Variants in DYNC1I1 observed in about 807,000 individuals in gnomAD.
DYNC1I1 encodes cytoplasmic dynein 1 intermediate chain 1.
In DYNC1I1, 43 loss-of-function variants were observed where a neutral mutation model predicts 86.6. The observed-to-expected ratio is 0.50, with a 90% CI of 0.39 to 0.64. The LOEUF (loss-of-function observed/expected upper bound fraction) is 0.64, where lower values mean the gene tolerates loss of function less well. Ranked by LOEUF, DYNC1I1 falls within the 30% of genes least tolerant of loss-of-function variation. DYNC1I1 has a pLI of 0.00. For missense variants in DYNC1I1, 604 were observed against 788.8 expected, an observed-to-expected ratio of 0.77 and a Z score of 2.81; for synonymous variants, 262 against 283.7, an observed-to-expected ratio of 0.92 and a Z score of 0.77.
At chr7:95,895,499 C>T (rs1376280056) in intron 6 of DYNC1I1, among the ~76,000 whole-genome samples, 1 of 152,186 alleles carries the variant, frequency 6.6e-6, no homozygotes. Flanking sequence ...TACTCCTCAT[C>T]TCAAGTCTCC....
At chr7:95,816,659 T>A (rs1584249131) in intron 4 of DYNC1I1, among the ~76,000 whole-genome samples, 1 of 129,560 alleles carries the variant, frequency 7.7e-6, no homozygotes, top group African/African-American at 2.9e-5. Context: ...AAATGAAAAA[T>A]CTTTGATATA....
At chr7:96,097,337 AAAG>A (rs143834175) in intron 16 of DYNC1I1, 143 bp from the exon 17 acceptor site, 24,466 of 895,956 alleles carry the variant, frequency 0.027, 1,541 homozygotes, top group East Asian at 0.22. Flanking sequence ...TGCTTGATCC[AAAG>A]AAGAATGTTT....
chr7:96,073,275 G>A (rs948183168), intron 14 of DYNC1I1, among the ~76,000 whole-genome samples: 4 of 152,160 alleles, frequency 2.6e-5, no homozygotes, highest in African/African-American at 9.7e-5. Flanking sequence ...GTTGGAGAAA[G>A]GCTAGAGAGC....
intron 6 of DYNC1I1, among the ~76,000 whole-genome samples, chr7:95,969,472 C>A (rs543410565): frequency 2.0e-5 from 3 of 152,138 alleles, no homozygotes; most frequent in Admixed American, 6.5e-5. Flanking sequence ...ATCAGTCAAG[C>A]CTCCTTGTCT....
chr7:96,034,097 T>C (rs1794877275), intron 12 of DYNC1I1, among the ~76,000 whole-genome samples: 1 of 152,062 alleles, frequency 6.6e-6, no homozygotes, highest in Non-Finnish European at 1.5e-5. Context: ...ACCAACCTCC[T>C]TTAAGCCTCC....
intron 16 of DYNC1I1, among the ~76,000 whole-genome samples, chr7:96,105,344 T>C (rs559930116): frequency 6.6e-6 from 1 of 152,086 alleles, no homozygotes; most frequent in Admixed American, 6.5e-5. Context: ...TGCCTTACAG[T>C]ATTAGCTAGG....
At chr7:95,897,154 C>T (rs1157048475) in intron 6 of DYNC1I1, among the ~76,000 whole-genome samples, 4 of 152,158 alleles carry the variant, frequency 2.6e-5, no homozygotes, top group Non-Finnish European at 5.9e-5. Context: ...ATAACCTCTT[C>T]CATGGGTCGT....
intron 4 of DYNC1I1, among the ~76,000 whole-genome samples, chr7:95,817,461 G>T (rs1436328509): frequency 1.3e-5 from 2 of 152,132 alleles, no homozygotes; most frequent in Non-Finnish European, 2.9e-5. Flanking sequence ...TTATTGTGAG[G>T]ATTATACAAA....
At chr7:95,981,725 G>A (rs1428469459) in intron 7 of DYNC1I1, among the ~76,000 whole-genome samples, 3 of 151,792 alleles carry the variant, frequency 2.0e-5, no homozygotes, top group Non-Finnish European at 2.9e-5. Context: ...TGAAAACAAA[G>A]AAAAAAAATC....
chr7:95,807,850 G>T (rs1423145414), intron 2 of DYNC1I1, among the ~76,000 whole-genome samples: 5 of 151,958 alleles, frequency 3.3e-5, no homozygotes, highest in Non-Finnish European at 7.4e-5. Flanking sequence ...CCCTTCACTT[G>T]TCTTTTTCTC....
intron 5 of DYNC1I1, among the ~76,000 whole-genome samples, chr7:95,846,261 A>C (rs1465650571): frequency 1.3e-5 from 2 of 152,012 alleles, no homozygotes; most frequent in East Asian, 3.9e-4. Context: ...TAATAGCAGA[A>C]CCTCTTCCAG....
At chr7:95,891,207 A>C (rs1465749793) in intron 6 of DYNC1I1, among the ~76,000 whole-genome samples, 2 of 152,192 alleles carry the variant, frequency 1.3e-5, no homozygotes, top group African/African-American at 4.8e-5. Flanking sequence ...CAGCCTGCTG[A>C]CACCTTCACT....
intron 16 of DYNC1I1, 99 bp from the exon 17 acceptor site, chr7:96,097,384 T>G: frequency 7.7e-7 from 1 of 1,298,928 alleles, no homozygotes; most frequent in Non-Finnish European, 1.1e-6. Context: ...AACATCTGCT[T>G]TGGAGGGTGT....
intron 12 of DYNC1I1, among the ~76,000 whole-genome samples, chr7:96,034,135 G>GT (rs1794878723): frequency 1.3e-5 from 2 of 151,902 alleles, no homozygotes; most frequent in African/African-American, 2.4e-5. Context: ...AGAATACTAC[G>GT]TTTTTTTAAA....
At chr7:95,888,792 T>C (rs1212837720) in intron 6 of DYNC1I1, among the ~76,000 whole-genome samples, 1 of 152,200 alleles carries the variant, frequency 6.6e-6, no homozygotes, top group Non-Finnish European at 1.5e-5. Context: ...CGAAGTAATT[T>C]TTCTACTTCT....
chr7:95,975,186 C>T (rs1224834114), intron 6 of DYNC1I1, among the ~76,000 whole-genome samples: 4 of 152,176 alleles, frequency 2.6e-5, no homozygotes, highest in African/African-American at 9.7e-5. Flanking sequence ...TCCTGTATCC[C>T]TTCTACTAAA....
chr7:96,108,516 T>C (rs190606246), intron 16 of DYNC1I1, among the ~76,000 whole-genome samples: 4 of 152,296 alleles, frequency 2.6e-5, no homozygotes, highest in Admixed American at 2.6e-4. Context: ...TCATTATTTA[T>C]TCTTAAAATA....
intron 10 of DYNC1I1, 117 bp downstream of exon 10, chr7:95,996,190 G>A (rs760620625): frequency 1.6e-5 from 23 of 1,483,858 alleles, no homozygotes; most frequent in Non-Finnish European, 2.1e-5. Flanking sequence ...TGAAATTGTT[G>A]ACAATTTTGG....
intron 6 of DYNC1I1, among the ~76,000 whole-genome samples, chr7:95,961,498 G>A (rs1792867640): frequency 6.6e-6 from 1 of 152,108 alleles, no homozygotes; most frequent in Non-Finnish European, 1.5e-5. Flanking sequence ...AACTTCCATA[G>A]CCATCTCTCT....
Sources: gnomAD v4.1 joint callset for allele counts (sites outside exome capture counted in the v4.1 genomes callset) on GRCh38, gnomAD v4.1.1 for gene constraint, MANE v1.5 for transcripts, NCBI Gene and HGNC (gene_info 2026-07-23, HGNC 2026-07-21) for gene names.